Variants in AKAP13 observed in about 807,000 individuals in gnomAD.
AKAP13 encodes the protein A-kinase anchor protein 13.
A neutral mutation model predicts 264.5 loss-of-function variants in AKAP13; 80 were observed. The ratio of observed to expected loss-of-function variants is 0.30; its 90% CI spans 0.25 to 0.36. The LOEUF (loss-of-function observed/expected upper bound fraction) is 0.36, where lower values mean the gene tolerates loss of function less well. Ranked by LOEUF, AKAP13 falls within the 10% of genes least tolerant of loss-of-function variation. The probability of loss-of-function intolerance (pLI) is 1.00; values close to 1 mark genes in which losing one functional copy is unlikely to be tolerated. For synonymous variants in AKAP13, 1,380 were observed against 1,250.2 expected (o/e 1.10, Z -2.19); for missense variants, 3,712 against 3,435.2 (o/e 1.08, Z -2.01).
intron 17 of AKAP13, among the ~76,000 whole-genome samples, chr15:85,700,876 C>T (rs1006011467): frequency 1.3e-5 from 2 of 152,042 alleles, no homozygotes; most frequent in Admixed American, 1.3e-4. Context: ...AAGATGTTCT[C>T]TGTGTCATGT....
Position 85,580,114 on chromosome 15 carries a change from G to C in AKAP13, c.2046G>C (p.Leu682=). ...CTAGTGGCGATTTGGTTGCAAAACT[G>C]TGTGATAACATAGTTAGCGAGTCCG... ...VTSSGDLVAK[L]CDNIVSESES... Residue 682 remains leucine, a synonymous_variant, in exon 7 of 37, where the codon CTG becomes CTC. Coordinates refer to ENST00000394518, the MANE Select transcript of AKAP13 (RefSeq NM_007200.5). The C allele has an allele frequency of 6.2e-7, 1 of 1,614,178 alleles. No individual in the cohort carries two copies. The highest frequency in any genetic ancestry group is 1.3e-5 in the African/African-American group (1 of 75,044).
chr15:85,430,218 G>T (rs1005113664), intron 1 of AKAP13, among the ~76,000 whole-genome samples: 2 of 152,146 alleles, frequency 1.3e-5, no homozygotes, highest in Admixed American at 6.5e-5. Context: ...CTTAATAAGG[G>T]CACCATTGTT....
chr15:85,646,207 G>T (rs1417964069), intron 10 of AKAP13, among the ~76,000 whole-genome samples: 2 of 152,220 alleles, frequency 1.3e-5, no homozygotes. Flanking sequence ...GGGCATGGTG[G>T]CTCACGCCTG....
At position 85,669,808 on chromosome 15, in the gene AKAP13, A is replaced by C. The variant is rs1315939728; in HGVS notation, c.5079A>C (p.Thr1693=). 1.2e-6 allele frequency: 2 copies of C among 1,610,864 alleles called. No homozygotes were observed. The highest frequency in any genetic ancestry group is 2.2e-5 in the East Asian group (1 of 44,844). Residue 1693 remains threonine, a synonymous_variant, in exon 14 of 37, where the codon ACA becomes ACC. Coordinates refer to ENST00000394518, the MANE Select transcript of AKAP13 (RefSeq NM_007200.5). ...SPLTKSISLM[T]ISHPGLDNSR... is the part of the protein sequence containing the mutation. ...TGACAAAATCCATCTCATTAATGAC[A>C]ATCAGCCATCCTGGATTGGACAGTG...
chr15:85,661,662 G>A (rs759655559), intron 12 of AKAP13, among the ~76,000 whole-genome samples: 15 of 151,888 alleles, frequency 9.9e-5, no homozygotes, highest in Non-Finnish European at 1.6e-4. Flanking sequence ...CAGAGGTTGC[G>A]GTGAGCCAGG....
rs760328088 is a variant in AKAP13, at chr15:85,744,678, C to CT, written c.*1_*2insT. The CT allele has an allele frequency of 5.0e-6, 8 of 1,604,656 alleles. No individual in the cohort carries two copies. In the Admixed American group the frequency reaches 1.4e-4, roughly 27 times the overall value. On this transcript the variant is annotated 3_prime_UTR_variant, in exon 37 of 37. Coordinates refer to ENST00000394518, the MANE Select transcript of AKAP13 (RefSeq NM_007200.5). ...AGAGGGTGAAGAGATCTTCTGCTGA[C>CT]CCTCTTCCTCTCTGCTGAGGCAGCT...
At chr15:85,507,761 AT>A (rs1307647563) in intron 2 of AKAP13, among the ~76,000 whole-genome samples, 3 of 152,338 alleles carry the variant, frequency 2.0e-5, no homozygotes, top group African/African-American at 7.2e-5. Flanking sequence ...TAGAACTGAC[AT>A]CCCCAAAGCA....
chr15:85,502,794 A>G (rs534427267), intron 2 of AKAP13, among the ~76,000 whole-genome samples: 1 of 152,326 alleles, frequency 6.6e-6, no homozygotes, highest in South Asian at 2.1e-4. Context: ...AATTAATTAG[A>G]TGGATTTTCT....
chr15:85,460,215 A>G (rs2074452010), intron 1 of AKAP13, among the ~76,000 whole-genome samples: 1 of 152,110 alleles, frequency 6.6e-6, no homozygotes, highest in Non-Finnish European at 1.5e-5. Flanking sequence ...TCCTGCTCCT[A>G]TCACACACAC....
chr15:85,518,313 G>A (rs2076683779), intron 2 of AKAP13, among the ~76,000 whole-genome samples: 1 of 152,160 alleles, frequency 6.6e-6, no homozygotes, highest in African/African-American at 2.4e-5. Context: ...AGTAAAATGG[G>A]AGTTAGTGGC....
In AKAP13 at chr15:85,658,700, C is replaced by G. The variant is rs2083208404; in HGVS notation, c.4799+110C>G. On this transcript the variant is annotated intron_variant, in intron 12 of 36. Transcript: ENST00000394518. The stretch of plus-strand genomic sequence containing the variant: ...TGGATCATCTACTTTTAAGTAATGT[C>G]CCATCTAATTCAGGCAAATAAAATA... The G allele has an allele frequency of 5.7e-6, 5 of 874,710 alleles. No homozygotes were observed. The East Asian group carries it at 1.4e-4, about 24-fold the overall frequency. The allele number at this position is 874,710 out of a possible 1,614,324, so 54.2% of individuals were successfully genotyped here.
chr15:85,385,660 A>G lies in AKAP13; in HGVS notation c.-12+4862A>G, dbSNP rs78630428. ...TGTAGCCTTTTTATTCATTTGCCCA[A>G]TGACTAATGATATTAAGTATCTTTT... On this transcript the variant is annotated intron_variant, in intron 1 of 36. Coordinates refer to ENST00000394518, the MANE Select transcript of AKAP13 (RefSeq NM_007200.5). 2.0e-3 allele frequency among the ~76,000 whole-genome samples: 302 copies of G among 152,308 alleles called. 10 individuals carry two copies. The East Asian group carries it at 0.055, about 28-fold the overall frequency.
intron 8 of AKAP13, among the ~76,000 whole-genome samples, chr15:85,591,344 G>A (rs1192146205): frequency 6.6e-6 from 1 of 152,152 alleles, no homozygotes. Context: ...GATACTTAAT[G>A]CATGCTAAAA....
At chr15:85,733,144 A>G (rs1304091959) in intron 30 of AKAP13, among the ~76,000 whole-genome samples, 4 of 152,204 alleles carry the variant, frequency 2.6e-5, no homozygotes, top group Non-Finnish European at 5.9e-5. Flanking sequence ...GTGCCTCAGG[A>G]AAGGTTCATG....
intron 14 of AKAP13, among the ~76,000 whole-genome samples, chr15:85,678,676 A>G (rs528303948): frequency 6.6e-6 from 1 of 152,210 alleles, no homozygotes; most frequent in African/African-American, 2.4e-5. Context: ...AGCCTGGCCA[A>G]CATGACGAAA....
At chr15:85,619,645 A>C (rs2081086745) in intron 8 of AKAP13, 10 of 986,568 alleles carry the variant, frequency 1.0e-5, no homozygotes, top group Non-Finnish European at 1.2e-5. Context: ...TCTTCCTGGC[A>C]AAGTATATAC....
chr15:85,588,960 C>T (rs181345401), intron 8 of AKAP13, among the ~76,000 whole-genome samples: 93 of 152,254 alleles, frequency 6.1e-4, no homozygotes, highest in Non-Finnish European at 1.2e-3. Flanking sequence ...TTGCTTCCAC[C>T]GTGTAGAGTT....
At chr15:85,637,730 T>C (rs1285581010) in intron 8 of AKAP13, among the ~76,000 whole-genome samples, 2 of 152,304 alleles carry the variant, frequency 1.3e-5, no homozygotes, top group East Asian at 3.9e-4. Context: ...TGAAACCTTA[T>C]GTTCTAATAT....
At chr15:85,400,881 T>A (rs867340617) in intron 1 of AKAP13, among the ~76,000 whole-genome samples, 1,550 of 149,404 alleles carry the variant, frequency 0.01, 5 homozygotes, top group African/African-American at 0.022. Flanking sequence ...TATATTTTTT[T>A]TTTTTAAACA....
Sources: gnomAD v4.1 joint callset for allele counts (sites outside exome capture counted in the v4.1 genomes callset) on GRCh38, gnomAD v4.1.1 for gene constraint, MANE v1.5 for transcripts, NCBI Gene and HGNC (gene_info 2026-07-23, HGNC 2026-07-21) for gene names.